ARHGAP26: variants seen among roughly 807,000 people sequenced by gnomAD.
ARHGAP26 encodes Rho GTPase activating protein 26, also known as rho GTPase-activating protein 26.
In ARHGAP26, 38 loss-of-function variants were observed where a neutral mutation model predicts 104.8. That is an observed-to-expected ratio of 0.36 (90% confidence interval 0.28 to 0.48). ARHGAP26 has a LOEUF of 0.48. ARHGAP26 is among the 20% of genes least tolerant of loss of function. ARHGAP26 has a pLI of 0.99. For missense variants in ARHGAP26, 704 were observed against 947.9 expected (o/e 0.74, Z 3.38); for synonymous variants, 341 against 340.0 (o/e 1.00, Z -0.03).
intron 14 of ARHGAP26, among the ~76,000 whole-genome samples, chr5:143,051,177 TA>T (rs1427863883): frequency 3.3e-5 from 5 of 152,314 alleles, no homozygotes; most frequent in Admixed American, 1.3e-4. Context: ...AGTACATAGG[TA>T]ACTTTCCTAA....
chr5:143,181,180 CA>C (rs1237021311), intron 20 of ARHGAP26, among the ~76,000 whole-genome samples: 1 of 152,232 alleles, frequency 6.6e-6, no homozygotes, highest in Non-Finnish European at 1.5e-5. Context: ...TTCTACCATG[CA>C]AGCTTGAACA....
At chr5:142,990,830 T>C (rs554778963) in intron 11 of ARHGAP26, among the ~76,000 whole-genome samples, 2 of 152,246 alleles carry the variant, frequency 1.3e-5, no homozygotes, top group South Asian at 4.1e-4. Flanking sequence ...GGAAGCTTCA[T>C]CTCAGAGGGG....
chr5:143,067,123 A>G (rs1233749846), intron 17 of ARHGAP26, among the ~76,000 whole-genome samples: 1 of 151,842 alleles, frequency 6.6e-6, no homozygotes, highest in Non-Finnish European at 1.5e-5. Context: ...ATAACTCTTA[A>G]TTTCCTGGAG....
intron 12 of ARHGAP26, 160 bp downstream of exon 12, chr5:143,014,276 AG>A: frequency 1.4e-6 from 1 of 731,444 alleles, no homozygotes; most frequent in Non-Finnish European, 2.4e-6. Flanking sequence ...ACTTTCCGCC[AG>A]TGACTCCAGA....
At chr5:142,792,462 T>G (rs1760051048) in intron 1 of ARHGAP26, among the ~76,000 whole-genome samples, 1 of 152,196 alleles carries the variant, frequency 6.6e-6, no homozygotes, top group Non-Finnish European at 1.5e-5. Flanking sequence ...AGGAACAGCA[T>G]CACCTCTTCT....
intron 20 of ARHGAP26, among the ~76,000 whole-genome samples, chr5:143,178,595 A>G (rs1409051595): frequency 6.6e-6 from 1 of 152,154 alleles, no homozygotes; most frequent in Non-Finnish European, 1.5e-5. Context: ...GCCACTATTC[A>G]GCGCTACTAC....
chr5:143,215,120 C>T (rs557856612), intron 22 of ARHGAP26, among the ~76,000 whole-genome samples: 33 of 152,368 alleles, frequency 2.2e-4, no homozygotes, highest in Non-Finnish European at 3.8e-4. Context: ...TAACATGACA[C>T]GGCCCTTGCA....
intron 11 of ARHGAP26, among the ~76,000 whole-genome samples, chr5:142,959,164 G>C (rs988151818): frequency 1.3e-5 from 2 of 152,130 alleles, no homozygotes; most frequent in South Asian, 4.1e-4. Flanking sequence ...TTAATTTTAT[G>C]CTCCATTATG....
chr5:143,212,667 G>A (rs1599544438), intron 21 of ARHGAP26, among the ~76,000 whole-genome samples: 2 of 152,062 alleles, frequency 1.3e-5, no homozygotes. Context: ...GTAAACTATG[G>A]CCCAGCAATA....
rs1750986889 is a variant in ARHGAP26 at position 142,849,017 on chromosome 5, AGTCTCTTCCATGTTG to A, written c.155-24382_155-24368del. Reference sequence around the variant, plus strand: ...AGGTAATGATCTGAAATTTACTGGAAGTCTCTTCCATGTTGTTTATTGGTTCCATGGTGATACCAT... The same window carrying A: ...AGGTAATGATCTGAAATTTACTGGAATTTATTGGTTCCATGGTGATACCAT... On this transcript the variant is annotated intron_variant, in intron 1 of 22. Coordinates refer to ENST00000645722, the MANE Select transcript of ARHGAP26 (RefSeq NM_001135608.3). Among the ~76,000 whole-genome samples, 4 of 152,304 alleles carry A rather than the reference AGTCTCTTCCATGTTG, an allele frequency of 2.6e-5. No homozygotes were observed. In the South Asian group the frequency reaches 8.3e-4, roughly 32 times the overall value.
chr5:142,967,652 T>G (rs1299405607), intron 11 of ARHGAP26, among the ~76,000 whole-genome samples: 1 of 152,132 alleles, frequency 6.6e-6, no homozygotes, highest in East Asian at 1.9e-4. Flanking sequence ...TGTGCCAATC[T>G]AGGCACTTAG....
At chr5:142,790,559 C>T (rs2151905712) in intron 1 of ARHGAP26, among the ~76,000 whole-genome samples, 1 of 152,262 alleles carries the variant, frequency 6.6e-6, no homozygotes. Context: ...AGTGGCTTCC[C>T]ATGCCATTCG....
At chr5:143,059,209 G>A (rs1786323364) in intron 17 of ARHGAP26, among the ~76,000 whole-genome samples, 3 of 152,182 alleles carry the variant, frequency 2.0e-5, no homozygotes, top group Admixed American at 6.5e-5. Context: ...CCTAGCATGT[G>A]TGGGGATGCT....
At chr5:142,919,762 C>T (rs1033477792) in intron 10 of ARHGAP26, among the ~76,000 whole-genome samples, 9 of 151,982 alleles carry the variant, frequency 5.9e-5, no homozygotes, top group Admixed American at 3.3e-4. Context: ...TTTGGGAGGC[C>T]GAGGCAAGTG....
At chr5:142,841,614 A>G (rs1381148472) in intron 1 of ARHGAP26, among the ~76,000 whole-genome samples, 1 of 152,152 alleles carries the variant, frequency 6.6e-6, no homozygotes, top group Non-Finnish European at 1.5e-5. Context: ...GAAACTGTAG[A>G]TTTCTTGGCT....
At chr5:142,901,271 T>C (rs760218187) in intron 6 of ARHGAP26, among the ~76,000 whole-genome samples, 1 of 152,240 alleles carries the variant, frequency 6.6e-6, no homozygotes, top group Non-Finnish European at 1.5e-5. Context: ...GAAACGGGCT[T>C]ACCTTTTAGC....
At chr5:143,034,134 C>T (rs186548388) in intron 12 of ARHGAP26, among the ~76,000 whole-genome samples, 147 of 152,266 alleles carry the variant, frequency 9.7e-4, no homozygotes, top group Non-Finnish European at 1.8e-3. Flanking sequence ...TTGGAACCCT[C>T]GTACATTGCG....
intron 11 of ARHGAP26, among the ~76,000 whole-genome samples, chr5:143,009,440 G>A (rs1196313247): frequency 1.3e-5 from 2 of 152,134 alleles, no homozygotes; most frequent in Admixed American, 6.5e-5. Flanking sequence ...TCTGACCTTG[G>A]CCATGTGACC....
chr5:142,857,099 C>T (rs973955222), intron 1 of ARHGAP26, among the ~76,000 whole-genome samples: 1 of 152,146 alleles, frequency 6.6e-6, no homozygotes, highest in Non-Finnish European at 1.5e-5. Flanking sequence ...CTTCACAGGG[C>T]CTTCTTCCCT....
Sources: allele counts gnomAD v4.1 joint callset (sites outside exome capture counted in the v4.1 genomes callset), GRCh38; gene constraint gnomAD v4.1.1; transcripts MANE v1.5; gene names NCBI Gene and HGNC (gene_info 2026-07-23, HGNC 2026-07-21).